The following IKBKB variants were observed in gnomAD, a reference collection of about 807,000 sequenced individuals.
IKBKB encodes the protein inhibitor of nuclear factor kappa-B kinase subunit beta.
A neutral mutation model predicts 113.6 loss-of-function variants in IKBKB; 42 were observed. The ratio of observed to expected loss-of-function variants is 0.37; its 90% CI spans 0.29 to 0.48. The LOEUF (loss-of-function observed/expected upper bound fraction) is 0.48. Among genes scored for constraint, IKBKB ranks in the 20% least tolerant of loss-of-function variants. The pLI is 0.99. For missense variants in IKBKB, 673 were observed against 939.7 expected (o/e 0.72, Z 3.71); for synonymous variants, 296 against 361.3 (o/e 0.82, Z 2.05).
At chr8:42,274,456 C>T (rs1158038681) in intron 2 of IKBKB, among the ~76,000 whole-genome samples, 4 of 151,904 alleles carry the variant, frequency 2.6e-5, no homozygotes, top group African/African-American at 7.3e-5. Flanking sequence ...TCCACAACTC[C>T]CCCCACCCCC....
In IKBKB at chr8:42,329,198, A is replaced by G; in HGVS notation, c.2189A>G (p.Gln730Arg). 6.3e-7 allele frequency: 1 copy of G among 1,594,732 alleles called. No homozygotes were observed. Among genetic ancestry groups the G allele is most frequent in the African/African-American group, 1.4e-5 (1 of 73,848 alleles). Residue 730 changes from glutamine (Q) to arginine (R), a missense_variant, in exon 21 of 22, where the codon CAA (glutamine) becomes CGA (arginine). Physicochemically the swap from Gln to Arg is conservative, Grantham distance 43. Coordinates refer to ENST00000520810, the MANE Select transcript of IKBKB (RefSeq NM_001556.3). ...GCCATACAGGACACTGTGAGGGAAC[A>G]AGACCAGAGTTTCACGGTAACAGCT... ...ENAIQDTVRE[Q>R]DQSFTALDWS... is the part of the protein sequence containing the mutation.
chr8:42,285,504 A>G (rs966026795), intron 2 of IKBKB, among the ~76,000 whole-genome samples: 4 of 152,126 alleles, frequency 2.6e-5, no homozygotes, highest in African/African-American at 9.7e-5. Context: ...GCAGTGAGCT[A>G]TGATCACTCC....
chr8:42,320,846 T>C lies in IKBKB; in HGVS notation c.1688+2T>C, dbSNP rs759240761. On this transcript the variant is annotated splice_donor_variant, in intron 16 of 21. Coordinates refer to ENST00000520810, the MANE Select transcript of IKBKB (RefSeq NM_001556.3). LOFTEE classifies it high-confidence loss of function. ...GCAGGGGGGAACGCTGGACGACCTG[T>C]GAGTACTGGCTGGGGGGCCCCTCTG... 1 of 1,576,732 alleles carries C rather than the reference T, an allele frequency of 6.3e-7. No individual in the cohort carries two copies. The highest frequency in any genetic ancestry group is 8.6e-7 in the Non-Finnish European group (1 of 1,160,108).
At chr8:42,284,683 G>A (rs927797340) in intron 2 of IKBKB, among the ~76,000 whole-genome samples, 18 of 152,058 alleles carry the variant, frequency 1.2e-4, no homozygotes, top group Non-Finnish European at 2.4e-4. Context: ...GATATCGTCA[G>A]GCAGAGCTGC....
intron 2 of IKBKB, among the ~76,000 whole-genome samples, chr8:42,277,089 C>T (rs1189282399): frequency 6.6e-6 from 1 of 151,404 alleles, no homozygotes; most frequent in Non-Finnish European, 1.5e-5. Flanking sequence ...CCAGGACGGT[C>T]TCAATCTCCT....
At chr8:42,273,657 T>C (rs977841871) in intron 2 of IKBKB, among the ~76,000 whole-genome samples, 12 of 152,020 alleles carry the variant, frequency 7.9e-5, no homozygotes, top group Non-Finnish European at 1.8e-4. Flanking sequence ...CTTCCCGTCT[T>C]TGCCTCCCAA....
chr8:42,281,221 T>C (rs1177172074), intron 2 of IKBKB, among the ~76,000 whole-genome samples: 2 of 152,070 alleles, frequency 1.3e-5, no homozygotes, highest in Non-Finnish European at 2.9e-5. Flanking sequence ...AGGTACACTT[T>C]CGAGGGCCTG....
intron 9 of IKBKB, among the ~76,000 whole-genome samples, chr8:42,314,834 A>G (rs1350034851): frequency 6.6e-6 from 1 of 152,188 alleles, no homozygotes; most frequent in African/African-American, 2.4e-5. Flanking sequence ...TAACTTTTAA[A>G]CAGGCTATCA....
chr8:42,330,786 G>C (rs1821609300), intron 21 of IKBKB, 128 bp from the exon 22 acceptor site: 4 of 1,515,960 alleles, frequency 2.6e-6, no homozygotes, highest in Non-Finnish European at 3.5e-6. Flanking sequence ...GGGATTATAG[G>C]CATGAGCCAC....
chr8:42,289,163 C>G (rs556969301), intron 3 of IKBKB, among the ~76,000 whole-genome samples: 8 of 152,126 alleles, frequency 5.3e-5, no homozygotes, highest in African/African-American at 1.9e-4. Context: ...TGCAGTGAGC[C>G]GAGATCAAGC....
At chr8:42,314,186 AGGTCT>A (rs2130615028) in intron 8 of IKBKB, 131 bp from the exon 9 acceptor site, 1 of 709,654 alleles carries the variant, frequency 1.4e-6, no homozygotes, top group East Asian at 2.6e-5. Flanking sequence ...GATACAGCCT[AGGTCT>A]GTAGTAGGCT....
At chr8:42,290,309 C>A in intron 4 of IKBKB, 36 bp downstream of exon 4, 1 of 1,440,600 alleles carries the variant, frequency 6.9e-7, no homozygotes, top group Non-Finnish European at 9.8e-7. Flanking sequence ...CACAGCCTGT[C>A]TGGGCAGGTG....
At chr8:42,298,947 C>T (rs1188374120) in intron 5 of IKBKB, among the ~76,000 whole-genome samples, 3 of 152,204 alleles carry the variant, frequency 2.0e-5, no homozygotes, top group African/African-American at 7.2e-5. Flanking sequence ...CTCCCTGCCC[C>T]TGCGCTGGCT....
intron 20 of IKBKB, among the ~76,000 whole-genome samples, chr8:42,328,242 C>T (rs1412309619): frequency 4.0e-5 from 6 of 150,318 alleles, no homozygotes; most frequent in Non-Finnish European, 7.4e-5. Context: ...CCACCGCACC[C>T]GGCCCTTTTT....
chr8:42,329,364 C>G (rs137969437), intron 21 of IKBKB, 150 bp downstream of exon 21: 418 of 1,238,466 alleles, frequency 3.4e-4, no homozygotes, highest in Non-Finnish European at 4.2e-4. Context: ...TCTCTCTCAC[C>G]CAGGCTGGAG....
chr8:42,295,720 A>G (rs924455471), intron 5 of IKBKB, among the ~76,000 whole-genome samples: 1 of 151,208 alleles, frequency 6.6e-6, no homozygotes, highest in African/African-American at 2.4e-5. Context: ...GTGAGACTCC[A>G]TCTTGAAAAA....
chr8:42,313,143 C>A (rs1818039954), intron 8 of IKBKB, among the ~76,000 whole-genome samples: 1 of 152,158 alleles, frequency 6.6e-6, no homozygotes, highest in South Asian at 2.1e-4. Flanking sequence ...AGATTTGAAG[C>A]CATTTGTATG....
rs773395600 is a variant in IKBKB, at chr8:42,329,199, A to G, written c.2190A>G (p.Gln730=). 1.9e-6 allele frequency: 3 copies of G among 1,593,378 alleles called. No individual in the cohort carries two copies. Among genetic ancestry groups the G allele is most frequent in the Non-Finnish European group, 2.6e-6 (3 of 1,172,638 alleles). Residue 730 remains glutamine, a synonymous_variant, in exon 21 of 22, where the codon CAA becomes CAG. Transcript: ENST00000520810. The stretch of plus-strand genomic sequence containing the variant: ...CCATACAGGACACTGTGAGGGAACA[A>G]GACCAGAGTTTCACGGTAACAGCTT... ...ENAIQDTVRE[Q]DQSFTALDWS...
intron 2 of IKBKB, chr8:42,272,534 T>G: frequency 4.9e-6 from 2 of 408,158 alleles, no homozygotes; most frequent in East Asian, 7.3e-5. Context: ...TAGGAAAATT[T>G]AAAGGATGAG....
Sources: allele counts gnomAD v4.1 joint callset (sites outside exome capture counted in the v4.1 genomes callset), GRCh38; gene constraint gnomAD v4.1.1; transcripts MANE v1.5; gene names NCBI Gene and HGNC (gene_info 2026-07-23, HGNC 2026-07-21).